Variants in HNRNPUL1 observed in about 807,000 individuals in gnomAD.
HNRNPUL1 encodes the protein heterogeneous nuclear ribonucleoprotein U like 1.
HNRNPUL1 carries 14 observed loss-of-function variants against 108.5 expected under a neutral mutation model. The ratio of observed to expected loss-of-function variants is 0.13; its 90% CI spans 0.09 to 0.20. The LOEUF is 0.20. Ranked by LOEUF, HNRNPUL1 falls within the 10% of genes least tolerant of loss-of-function variation. The pLI is 1.00. For missense variants in HNRNPUL1, 804 were observed against 1,168.3 expected, an observed-to-expected ratio of 0.69 and a Z score of 4.55; for synonymous variants, 422 against 445.2, an observed-to-expected ratio of 0.95 and a Z score of 0.66.
chr19:41,290,230 A>G (rs1375444300), intron 7 of HNRNPUL1, among the ~76,000 whole-genome samples: 1 of 152,248 alleles, frequency 6.6e-6, no homozygotes, highest in African/African-American at 2.4e-5. Flanking sequence ...ATTTTGCTTC[A>G]GTCTGCTATC....
intron 5 of HNRNPUL1, among the ~76,000 whole-genome samples, chr19:41,276,994 A>G (rs569829418): frequency 5.6e-4 from 85 of 151,396 alleles, no homozygotes; most frequent in Non-Finnish European, 8.8e-5. Flanking sequence ...GCTATTCAGG[A>G]GGCTGAGGCA....
At chr19:41,265,353 TGGGTGGG>T in intron 1 of HNRNPUL1, 10 of 354,332 alleles carry the variant, frequency 2.8e-5, no homozygotes, top group Non-Finnish European at 4.2e-5. Flanking sequence ...GGTACGGGGG[TGGGTGGG>T]AGAGGTGGAG....
intron 1 of HNRNPUL1, chr19:41,265,260 A>G: frequency 1.4e-6 from 2 of 1,400,648 alleles, no homozygotes; most frequent in South Asian, 1.2e-5. Flanking sequence ...AGGAATGTCC[A>G]GGTGTGCGGG....
intron 2 of HNRNPUL1, among the ~76,000 whole-genome samples, chr19:41,271,792 C>T (rs113056635): frequency 6.6e-6 from 1 of 152,190 alleles, no homozygotes; most frequent in East Asian, 1.9e-4. Context: ...TCCTCTCCCC[C>T]TCCCTTGCCA....
chr19:41,268,352 A>G lies in HNRNPUL1; in HGVS notation c.418+7A>G. The G allele has an allele frequency of 6.2e-7, 1 of 1,613,090 alleles. No homozygotes were observed. Among genetic ancestry groups the G allele is most frequent in the Non-Finnish European group, 8.5e-7 (1 of 1,179,594 alleles). ...CAGCAGGCCTATCGTCCAGGTAGGA[A>G]AATACACATGGTTCATCTCTTTGGA... On this transcript the variant is annotated splice_region_variant and intron_variant, in intron 2 of 14. Coordinates refer to ENST00000392006, the MANE Select transcript of HNRNPUL1 (RefSeq NM_007040.6).
chr19:41,285,436 C>G (rs1387223863), intron 7 of HNRNPUL1, among the ~76,000 whole-genome samples: 1 of 152,158 alleles, frequency 6.6e-6, no homozygotes, highest in East Asian at 1.9e-4. Flanking sequence ...AACTCCTGAG[C>G]TCAAGCAATC....
intron 7 of HNRNPUL1, among the ~76,000 whole-genome samples, chr19:41,283,804 G>A (rs1028617045): frequency 1.3e-4 from 20 of 152,146 alleles, no homozygotes; most frequent in Non-Finnish European, 1.3e-4. Context: ...TGTTGGCCAA[G>A]CTGGTCTTGA....
intron 7 of HNRNPUL1, among the ~76,000 whole-genome samples, chr19:41,291,324 G>A (rs1481560052): frequency 2.6e-5 from 4 of 152,120 alleles, no homozygotes; most frequent in South Asian, 2.1e-4. Context: ...AAGCTCTGTC[G>A]GTCCCAGATT....
At position 41,292,385 on chromosome 19, in the gene HNRNPUL1, G is replaced by A. The variant is rs776815219; in HGVS notation, c.1140G>A (p.Glu380=). Residue 380 remains glutamate (E), a synonymous_variant, in exon 8 of 15, where the codon GAG becomes GAA. Transcript: ENST00000392006. The surrounding 1 kb of genome is among the most constrained non-coding windows in gnomAD (Gnocchi z 4.1). ...PHVLVKNCAV[E]FNFGQRAEPY... is the part of the protein sequence containing the mutation. ...TCCTGGTGAAGAATTGCGCAGTGGA[G>A]TTCAACTTCGGACAGAGAGCAGAGC... 9.3e-6 allele frequency: 15 copies of A among 1,614,114 alleles called. No homozygotes were observed. Among genetic ancestry groups the A allele is most frequent in the South Asian group, 3.3e-5 (3 of 91,092 alleles).
At chr19:41,301,887 T>C (rs1352990717) in intron 11 of HNRNPUL1, 183 bp downstream of exon 11, 2 of 613,426 alleles carry the variant, frequency 3.3e-6, no homozygotes, top group East Asian at 3.0e-5. Flanking sequence ...CCCATCTGTC[T>C]TATGTTGGGG....
At chr19:41,277,781 A>G (rs2122595131) in intron 5 of HNRNPUL1, among the ~76,000 whole-genome samples, 1 of 152,318 alleles carries the variant, frequency 6.6e-6, no homozygotes, top group Non-Finnish European at 1.5e-5. Flanking sequence ...TGCTGGGATT[A>G]CAGGCGTGAG....
intron 7 of HNRNPUL1, among the ~76,000 whole-genome samples, chr19:41,288,072 CAAA>C (rs913427887): frequency 4.0e-5 from 6 of 149,298 alleles, no homozygotes; most frequent in African/African-American, 1.5e-4. Flanking sequence ...ATAGGGTTTC[CAAA>C]AAAAAATCGA....
chr19:41,305,535 C>CCCACAAACAATGT, intron 13 of HNRNPUL1, 141 bp from the exon 14 acceptor site: 1 of 1,032,620 alleles, frequency 9.7e-7, no homozygotes, highest in Non-Finnish European at 1.5e-6. Flanking sequence ...TCCTTCTCAG[C>CCCACAAACAATGT]CCACAAACAA....
rs887637324 is a variant in HNRNPUL1 at position 41,301,431 on chromosome 19, G to A, written c.1519-105G>A. 10 of 869,192 alleles carry A rather than the reference G, an allele frequency of 1.2e-5. No homozygotes were observed. The African/African-American group carries it at 1.6e-4, about 14-fold the overall frequency. 53.8% of individuals were successfully genotyped at this position (869,192 alleles called of 1,614,324 possible). On this transcript the variant is annotated intron_variant, in intron 10 of 14. Transcript: ENST00000392006. ...TCCTGAGTTTCTCTGCTTACAAGGA[G>A]CACTGATATCCTTTTCTCAGTCCCT...
At chr19:41,266,479 TG>T (rs34897711) in intron 1 of HNRNPUL1, among the ~76,000 whole-genome samples, 30,728 of 151,362 alleles carry the variant, frequency 0.2, 3,455 homozygotes, top group East Asian at 0.33. Flanking sequence ...TAAATACAGA[TG>T]GGGGGTCTCG....
chr19:41,282,753 G>T (rs993848390), intron 7 of HNRNPUL1, among the ~76,000 whole-genome samples: 1 of 148,454 alleles, frequency 6.7e-6, no homozygotes, highest in Non-Finnish European at 1.5e-5. Flanking sequence ...GCAGTGGCGG[G>T]ATCTCGGCTC....
chr19:41,268,475 T>C lies in HNRNPUL1; in HGVS notation c.418+130T>C, dbSNP rs2034998508. The C allele has an allele frequency of 4.2e-6, 4 of 944,912 alleles. No homozygotes were observed. The East Asian group carries it at 1.1e-4, about 26-fold the overall frequency. 58.5% of individuals were successfully genotyped at this position (944,912 alleles called of 1,614,324 possible). ...TCTTGGGCAGTTCATCTAAACATTG[T>C]CACTCTGGCAAGAATTGTTTAAAGG... is the stretch of plus-strand genomic sequence containing the variant. On this transcript the variant is annotated intron_variant, in intron 2 of 14. Transcript: ENST00000392006.
In HNRNPUL1 at chr19:41,273,415, A is replaced by C. The variant is rs1216742796; in HGVS notation, c.573-567A>C. Among the ~76,000 whole-genome samples the C allele has an allele frequency of 2.0e-5, 3 of 152,100 alleles. No homozygotes were observed. In the East Asian group the frequency reaches 5.8e-4, roughly 29 times the overall value. On this transcript the variant is annotated intron_variant, in intron 3 of 14. Transcript: ENST00000392006. ...CTACCCTTCTTCCTCGTTCCTGTACAGCAGAAACCAACAGTGTTAAGTCCC... is the reference window on the plus strand; with the variant it reads ...CTACCCTTCTTCCTCGTTCCTGTACCGCAGAAACCAACAGTGTTAAGTCCC...
intron 1 of HNRNPUL1, among the ~76,000 whole-genome samples, chr19:41,265,910 C>T (rs2034810221): frequency 6.6e-6 from 1 of 152,048 alleles, no homozygotes; most frequent in African/African-American, 2.4e-5. Flanking sequence ...CACTGGAGGC[C>T]TCAGAGTGGA....
Sources: gnomAD v4.1 joint callset for allele counts (sites outside exome capture counted in the v4.1 genomes callset) on GRCh38, gnomAD v4.1.1 for gene constraint, Gnocchi (gnomAD v3.1) non-coding constraint, MANE v1.5 for transcripts, NCBI Gene and HGNC (gene_info 2026-07-23, HGNC 2026-07-21) for gene names.